PTGER3: variants seen among roughly 807,000 people sequenced by gnomAD.
The protein encoded by PTGER3 is prostaglandin E2 receptor EP3 subtype.
A neutral mutation model predicts 34.7 loss-of-function variants in PTGER3; 22 were observed. That is an observed-to-expected ratio of 0.63 (90% CI 0.45 to 0.91). PTGER3 has a LOEUF of 0.91. Among genes scored for constraint, PTGER3 ranks in the 40% least tolerant of loss-of-function variants. The pLI, the probability that PTGER3 is intolerant of heterozygous loss-of-function variation, is 0.00. For synonymous variants in PTGER3, 241 were observed against 230.1 expected (o/e 1.05, Z -0.43); for missense variants, 468 against 519.4 (o/e 0.90, Z 0.96).
At chr1:70,975,724 C>CTA (rs1653624407) in intron 2 of PTGER3, among the ~76,000 whole-genome samples, 1 of 152,174 alleles carries the variant, frequency 6.6e-6, no homozygotes, top group Admixed American at 6.5e-5. Flanking sequence ...TGACCAATAC[C>CTA]TATTCCACAG....
At chr1:70,974,912 C>T in intron 2 of PTGER3, among the ~76,000 whole-genome samples, 1 of 152,108 alleles carries the variant, frequency 6.6e-6, no homozygotes, top group East Asian at 1.9e-4. Flanking sequence ...TACCTCAGGG[C>T]CTTTGTACTT....
At chr1:70,931,049 G>T (rs1344362411) in intron 4 of PTGER3, among the ~76,000 whole-genome samples, 2 of 152,142 alleles carry the variant, frequency 1.3e-5, no homozygotes, top group Non-Finnish European at 2.9e-5. Context: ...GATACAATGG[G>T]GATATAGGTA....
rs1363252932 is a variant in PTGER3, at chr1:71,020,760, A to G, written c.898-8276T>C. Among the ~76,000 whole-genome samples, 3 of 150,884 alleles carry G rather than the reference A, an allele frequency of 2.0e-5. No individual in the cohort carries two copies. The East Asian group carries it at 5.8e-4, about 29-fold the overall frequency. On this transcript the variant is annotated intron_variant, in intron 1 of 3. Transcript: ENST00000306666. Reference sequence around the variant, plus strand: ...GTGGGGTGGGGGTATTTTTATTAAAAGAAATAGCAGATTCTGGCAAACATA... The same window carrying G: ...GTGGGGTGGGGGTATTTTTATTAAAGGAAATAGCAGATTCTGGCAAACATA...
At chr1:70,956,028 AG>A in intron 2 of PTGER3, among the ~76,000 whole-genome samples, 1 of 152,284 alleles carries the variant, frequency 6.6e-6, no homozygotes, top group East Asian at 1.9e-4. Context: ...CAGCCATTAC[AG>A]GTTTGGGCAG....
chr1:70,973,654 A>C (rs1258378800), intron 3 of PTGER3, among the ~76,000 whole-genome samples: 1 of 152,226 alleles, frequency 6.6e-6, no homozygotes, highest in Non-Finnish European at 1.5e-5. Flanking sequence ...CAACTGTGTT[A>C]TCTCTGAAAA....
intron 1 of PTGER3, 131 bp downstream of exon 1, chr1:71,046,550 C>CA: frequency 8.7e-7 from 1 of 1,145,338 alleles, no homozygotes; most frequent in Non-Finnish European, 1.2e-6. Context: ...ACCGCGCGGG[C>CA]AGGAGGAAAG....
Position 71,017,080 on chromosome 1 carries a change from A to C in PTGER3, c.898-4596T>G, listed in dbSNP as rs138030788. Among the ~76,000 whole-genome samples, 875 of 152,232 alleles carry C rather than the reference A, an allele frequency of 5.7e-3. 5 individuals are homozygous for C. The highest frequency in any genetic ancestry group is 8.4e-3 in the Non-Finnish European group (571 of 68,008). On this transcript the variant is annotated intron_variant, in intron 1 of 3. Coordinates refer to ENST00000306666, the MANE Select transcript of PTGER3 (RefSeq NM_198719.2). Reference sequence around the variant, plus strand: ...ATTTCTCGGTCCCTGGAATCTGTGAATACGTTACCACACAAGACAAAAAGG... The same window carrying C: ...ATTTCTCGGTCCCTGGAATCTGTGACTACGTTACCACACAAGACAAAAAGG...
At chr1:71,039,651 A>G (rs1221116135) in intron 1 of PTGER3, among the ~76,000 whole-genome samples, 1 of 132,770 alleles carries the variant, frequency 7.5e-6, no homozygotes, top group African/African-American at 2.8e-5. Context: ...CTCTGTCTCA[A>G]AAAAAAAAAA....
chr1:70,953,743 A>G, intron 3 of PTGER3: 6 of 1,535,042 alleles, frequency 3.9e-6, no homozygotes, highest in African/African-American at 1.4e-5. Context: ...ACTAGTTTTA[A>G]TACTATCTTT....
chr1:70,934,635 A>G (rs1649031616), intron 4 of PTGER3, among the ~76,000 whole-genome samples: 1 of 152,212 alleles, frequency 6.6e-6, no homozygotes, highest in African/African-American at 2.4e-5. Flanking sequence ...ACTGTGGGGA[A>G]AATTAGGATG....
Position 70,914,003 on chromosome 1 carries a change from T to C in PTGER3, c.*23+39760A>G, listed in dbSNP as rs72934210. 3.5e-3 allele frequency among the ~76,000 whole-genome samples: 529 copies of C among 151,990 alleles called. 2 individuals are homozygous for C. Among genetic ancestry groups the C allele is most frequent in the African/African-American group, 0.012 (514 of 41,544 alleles). On this transcript the variant is annotated intron_variant, in intron 4 of 4. Coordinates refer to the PTGER3 transcript ENST00000370931. ...CTTTATAGAAGCCAGCTTTATAGAA[T>C]GAGTTGGAAAGTATTCTATGGTCTT...
chr1:70,885,534 G>C (rs1209234331), intron 4 of PTGER3, among the ~76,000 whole-genome samples: 3 of 152,094 alleles, frequency 2.0e-5, no homozygotes, highest in Non-Finnish European at 4.4e-5. Context: ...TATGTAATAT[G>C]ACTGATACAA....
At chr1:70,964,592 C>G (rs924952985) in intron 2 of PTGER3, among the ~76,000 whole-genome samples, 1 of 152,134 alleles carries the variant, frequency 6.6e-6, no homozygotes, top group Non-Finnish European at 1.5e-5. Context: ...AGGAAAGACC[C>G]GCCCCATGAT....
At chr1:70,940,658 G>A (rs1459040424) in intron 4 of PTGER3, among the ~76,000 whole-genome samples, 1 of 152,172 alleles carries the variant, frequency 6.6e-6, no homozygotes, top group African/African-American at 2.4e-5. Flanking sequence ...ATCAGATCTT[G>A]TGAGACTTTT....
In PTGER3 at chr1:70,942,080, C is replaced by T. The variant is rs141433248; in HGVS notation, c.*23+11683G>A. ...GCCAACCCCCTTATGTTACAATCCC[C>T]ATAACCCAGCAACCAGGAGAGGTCA... On this transcript the variant is annotated intron_variant, in intron 4 of 4. Transcript: ENST00000370931. Among the ~76,000 whole-genome samples the T allele has an allele frequency of 8.2e-3, 1,249 of 152,178 alleles. 71 individuals carry two copies. Among genetic ancestry groups the T allele is most frequent in the Admixed American group, 0.064 (984 of 15,258 alleles).
At chr1:70,962,564 A>G (rs1174965579) in intron 2 of PTGER3, among the ~76,000 whole-genome samples, 1 of 152,172 alleles carries the variant, frequency 6.6e-6, no homozygotes. Flanking sequence ...GTGAATGAGG[A>G]GCAAAGTCAT....
chr1:70,955,683 A>G (rs1393007957), intron 2 of PTGER3, among the ~76,000 whole-genome samples: 2 of 152,186 alleles, frequency 1.3e-5, no homozygotes, highest in Admixed American at 1.3e-4. Flanking sequence ...CAGTAGAAAT[A>G]CAGGAAATAA....
chr1:70,874,637 A>G (rs1035868076), intron 4 of PTGER3, among the ~76,000 whole-genome samples: 2 of 151,470 alleles, frequency 1.3e-5, no homozygotes, highest in African/African-American at 4.9e-5. Flanking sequence ...CTGTTTCTGT[A>G]TTTCTCCTTT....
chr1:71,044,170 C>T (rs1180852762), intron 1 of PTGER3, among the ~76,000 whole-genome samples: 3 of 150,766 alleles, frequency 2.0e-5, no homozygotes, highest in East Asian at 4.1e-4. Flanking sequence ...GGCACGGTGG[C>T]TCATGCCTGT....
Sources: allele counts gnomAD v4.1 joint callset (sites outside exome capture counted in the v4.1 genomes callset), GRCh38; gene constraint gnomAD v4.1.1; transcripts MANE v1.5; gene names NCBI Gene and HGNC (gene_info 2026-07-23, HGNC 2026-07-21).